The following DNMT3A variants were observed in gnomAD, a reference collection of about 807,000 sequenced individuals.
The protein encoded by DNMT3A is DNA (cytosine-5)-methyltransferase 3A.
A neutral mutation model predicts 117.6 loss-of-function variants in DNMT3A; 267 were observed. The ratio of observed to expected loss-of-function variants is 2.27; its 90% CI spans 2.05 to 2.51. The LOEUF is 2.51. Among genes scored for constraint, DNMT3A ranks in the 30% most tolerant of loss-of-function variants. DNMT3A has a pLI of 0.00. For synonymous variants in DNMT3A, 432 were observed against 474.8 expected (o/e 0.91, Z 1.17); for missense variants, 1,029 against 1,260.2 (o/e 0.82, Z 2.78).
In DNMT3A at chr2:25,282,564, C is replaced by T. The variant is rs1380853143; in HGVS notation, c.325G>A (p.Gly109Arg). The change falls in exon 4 of 23, where the codon GGG (glycine) becomes AGG (arginine). Residue 109 changes from glycine to arginine, a missense_variant. Transcript: ENST00000321117. This position sits in a 1 kb window ranked among gnomAD's most constrained non-coding sequence, Gnocchi z 5.2. The part of the protein sequence containing the change: ...PQPEEGSPAG[G>R]QKGGAPAEGE... ...TCTGCTGGGGCCCCGCCCTTCTGCCCCCCAGCAGGGCTCCCCTCCTCTGGC... is the reference window on the plus strand; with the variant it reads ...TCTGCTGGGGCCCCGCCCTTCTGCCTCCCAGCAGGGCTCCCCTCCTCTGGC... 1 of 1,613,548 alleles carries T rather than the reference C, an allele frequency of 6.2e-7. No homozygotes were observed. Among genetic ancestry groups the T allele is most frequent in the Non-Finnish European group, 8.5e-7 (1 of 1,179,976 alleles).
Position 25,235,770 on chromosome 2 carries a change from TCTTTGCCCTGCTTTA to T in DNMT3A, c.2519_2533del (p.Ile840_Asp845delinsAsn). The stretch of plus-strand genomic sequence containing the variant: ...ATTCATGAAGACAGGAAAATGCTGG[TCTTTGCCCTGCTTTA>T]TGGAGTTTGACCTCGTAGTAATGGT... On this transcript the variant is annotated inframe_deletion, in exon 22 of 23. Coordinates refer to ENST00000321117, the MANE Select transcript of DNMT3A (RefSeq NM_022552.5). 6.2e-7 allele frequency: 1 copy of T among 1,614,052 alleles called. No homozygotes were observed. Among genetic ancestry groups the T allele is most frequent in the Non-Finnish European group, 8.5e-7 (1 of 1,180,028 alleles).
intron 3 of DNMT3A, among the ~76,000 whole-genome samples, chr2:25,284,446 G>A (rs2149382329): frequency 6.6e-6 from 1 of 151,900 alleles, no homozygotes; most frequent in Admixed American, 6.6e-5. Flanking sequence ...CCTGAGGTCA[G>A]GAGTTTGAGA....
intron 2 of DNMT3A, among the ~76,000 whole-genome samples, chr2:25,308,014 G>A (rs942763911): frequency 3.3e-5 from 5 of 152,154 alleles, no homozygotes; most frequent in African/African-American, 1.2e-4. Context: ...TTTAGTGACT[G>A]ATGACCCAAA....
intron 20 of DNMT3A, among the ~76,000 whole-genome samples, chr2:25,238,924 C>T (rs1673657327): frequency 6.6e-6 from 1 of 152,240 alleles, no homozygotes; most frequent in African/African-American, 2.4e-5. Context: ...TGCTTTAAGA[C>T]CACTAGTTGT....
chr2:25,264,715 G>A (rs1315708575), intron 6 of DNMT3A, among the ~76,000 whole-genome samples: 1 of 151,956 alleles, frequency 6.6e-6, no homozygotes, highest in Non-Finnish European at 1.5e-5. Context: ...GCCTGCCTTC[G>A]CCTCCCAAAG....
rs3039391 is a variant in DNMT3A, at chr2:25,300,712, AATATATATATATATATATATATAT to A, written c.73-493_73-470del. Among the ~76,000 whole-genome samples, 57 of 18,924 alleles carry A rather than the reference AATATATATATATATATATATATAT, an allele frequency of 3.0e-3. 2 individuals carry two copies. Among genetic ancestry groups the A allele is most frequent in the East Asian group, 0.013 (4 of 310 alleles). 12.4% of individuals were successfully genotyped at this position (18,924 alleles called of 152,430 possible). Reference sequence around the variant, plus strand: ...ATATATTTATATATCTAAATAATATAATATATATATATATATATATATATATATATATATATATATATATATATA... The same window carrying A: ...ATATATTTATATATCTAAATAATATAATATATATATATATATATATATATA... On this transcript the variant is annotated intron_variant, in intron 2 of 22. Transcript: ENST00000321117.
rs1017971955 is a variant in DNMT3A at position 25,243,974 on chromosome 2, T to C, written c.1860A>G (p.Pro620=). ...ANNHDQEFDP[P]KVYPPVPAEK... is the part of the protein sequence containing the mutation. ...CAGCTGGGACAGGTGGGTAAACCTT[T>C]GGAGGGTCCTAAGCAGTGAGCACAA... The change falls in exon 16 of 23, where the codon CCA becomes CCG. Residue 620 remains proline (P), a synonymous_variant. Coordinates refer to ENST00000321117, the MANE Select transcript of DNMT3A (RefSeq NM_022552.5). 6.4e-6 allele frequency: 10 copies of C among 1,554,112 alleles called. No homozygotes were observed. In the African/African-American group the frequency reaches 1.2e-4, roughly 19 times the overall value.
chr2:25,341,805 G>T, intron 1 of DNMT3A, 21 bp downstream of exon 1: 1 of 978,608 alleles, frequency 1.0e-6, no homozygotes, highest in South Asian at 4.6e-5. Context: ...CTTCCGGGCC[G>T]CCAGCAGCGG....
At position 25,311,282 on chromosome 2, in the gene DNMT3A, G is replaced by A. The variant is rs2034103671; in HGVS notation, c.72+2631C>T. The stretch of plus-strand genomic sequence containing the variant: ...CCCTGGCACCTGTGCCAGGCTCCCT[G>A]GGCTGCAGACCAAGCCTGTGTCTTC... On this transcript the variant is annotated intron_variant, in intron 2 of 22. Coordinates refer to ENST00000321117, the MANE Select transcript of DNMT3A (RefSeq NM_022552.5). The surrounding 1 kb of genome is among the most constrained non-coding windows in gnomAD (Gnocchi z 5.2). 6.6e-6 allele frequency among the ~76,000 whole-genome samples: 1 copy of A among 152,210 alleles called. No homozygotes were observed. The highest frequency in any genetic ancestry group is 2.4e-5 in the African/African-American group (1 of 41,454).
chr2:25,316,612 C>T (rs1256812600), intron 1 of DNMT3A, among the ~76,000 whole-genome samples: 2 of 152,214 alleles, frequency 1.3e-5, no homozygotes, highest in South Asian at 2.1e-4. Flanking sequence ...TACCCGTAGA[C>T]GCTTCATTCT....
Position 25,314,146 on chromosome 2 carries a change from G to A in DNMT3A, c.-162C>T. The A allele has an allele frequency of 1.4e-6, 2 of 1,426,160 alleles. No homozygotes were observed. The highest frequency in any genetic ancestry group is 1.8e-6 in the Non-Finnish European group (2 of 1,093,660). 88.3% of individuals were successfully genotyped at this position (1,426,160 alleles called of 1,614,324 possible). On this transcript the variant is annotated 5_prime_UTR_variant, in exon 2 of 23. Transcript: ENST00000321117. Reference sequence around the variant, plus strand: ...TGCCTCTGTCAGCCTGTGGGTGGGGGCTTCGATGGCTCCACCTGTGGGGGA... The same window carrying A: ...TGCCTCTGTCAGCCTGTGGGTGGGGACTTCGATGGCTCCACCTGTGGGGGA...
chr2:25,259,125 C>G (rs1460957792), intron 6 of DNMT3A, among the ~76,000 whole-genome samples: 2 of 152,232 alleles, frequency 1.3e-5, no homozygotes, highest in Non-Finnish European at 2.9e-5. Context: ...GATGCGCCAT[C>G]AGGCTCTGGA....
intron 6 of DNMT3A, among the ~76,000 whole-genome samples, chr2:25,264,132 G>GTTTTTTGTTTTTT (rs2029958809): frequency 4.1e-5 from 3 of 73,738 alleles, no homozygotes; most frequent in Non-Finnish European, 7.0e-5. Context: ...CAACCCTTTG[G>GTTTTTTGTTTTTT]TTTTTTTTTT....
rs776357460 is a variant in DNMT3A, at chr2:25,314,015, C to T, written c.-31G>A. The T allele has an allele frequency of 3.9e-6, 6 of 1,521,132 alleles. No individual in the cohort carries two copies. In the African/African-American group the frequency reaches 4.2e-5, roughly 11 times the overall value. The allele number at this position is 1,521,132 out of a possible 1,614,324, so 94.2% of individuals were successfully genotyped here. ...CGCCGGGAGGCAGGCTGGGGCTGCG[C>T]GGGGCTGGGGGGCTGCTGGGCTTTG... On this transcript the variant is annotated 5_prime_UTR_variant, in exon 2 of 23. Coordinates refer to ENST00000321117, the MANE Select transcript of DNMT3A (RefSeq NM_022552.5).
intron 1 of DNMT3A, among the ~76,000 whole-genome samples, chr2:25,341,594 C>G (rs1473771525): frequency 3.4e-5 from 5 of 146,886 alleles, no homozygotes; most frequent in African/African-American, 4.9e-5. Flanking sequence ...GGGCGCCTGC[C>G]GAGCCCGCGG....
At position 25,254,642 on chromosome 2, in the gene DNMT3A, G is replaced by C. The variant is rs1017686925; in HGVS notation, c.640-6390C>G. Among the ~76,000 whole-genome samples, 9 of 152,172 alleles carry C rather than the reference G, an allele frequency of 5.9e-5. No individual in the cohort carries two copies. The highest frequency in any genetic ancestry group is 1.9e-4 in the African/African-American group (8 of 41,422). On this transcript the variant is annotated intron_variant, in intron 6 of 22. Coordinates refer to ENST00000321117, the MANE Select transcript of DNMT3A (RefSeq NM_022552.5). The surrounding 1 kb of genome is among the most constrained non-coding windows in gnomAD (Gnocchi z 4.7). Reference sequence around the variant, plus strand: ...TCCCAACCTTTAGGGAATGCAGCATGACTTGCTTCGCTGCTTCTCTCACTG... The same window carrying C: ...TCCCAACCTTTAGGGAATGCAGCATCACTTGCTTCGCTGCTTCTCTCACTG...
chr2:25,276,532 C>T (rs1197863137), intron 4 of DNMT3A, among the ~76,000 whole-genome samples: 3 of 152,252 alleles, frequency 2.0e-5, no homozygotes, highest in African/African-American at 7.2e-5. Context: ...CCCTGTGCTT[C>T]TCCAAGCCCC....
At chr2:25,288,606 G>A (rs574320548) in intron 3 of DNMT3A, among the ~76,000 whole-genome samples, 16 of 152,176 alleles carry the variant, frequency 1.1e-4, no homozygotes, top group South Asian at 2.1e-4. Flanking sequence ...CACTGTGCCC[G>A]GCCTAGAAAC....
intron 19 of DNMT3A, chr2:25,239,629 G>C (rs1673753420): frequency 2.1e-6 from 1 of 480,940 alleles, no homozygotes; most frequent in Non-Finnish European, 4.4e-6. Flanking sequence ...CAGAGGCTGG[G>C]AGAGCCCAGG....
Sources: allele counts gnomAD v4.1 joint callset (sites outside exome capture counted in the v4.1 genomes callset), GRCh38; gene constraint gnomAD v4.1.1; non-coding constraint Gnocchi (gnomAD v3.1); transcripts MANE v1.5; gene names NCBI Gene and HGNC (gene_info 2026-07-23, HGNC 2026-07-21).